Variants in TRIO observed in about 807,000 individuals in gnomAD.
TRIO encodes triple functional domain protein.
Under a neutral mutation model 351.9 loss-of-function variants are expected in TRIO, and 58 were observed. That is an observed-to-expected ratio of 0.16 (90% confidence interval 0.13 to 0.21). The LOEUF is 0.21. Ranked by LOEUF, TRIO falls within the 10% of genes least tolerant of loss-of-function variation. TRIO has a pLI of 1.00. For missense variants in TRIO, 3,201 were observed against 4,027.8 expected (o/e 0.79, Z 5.56); for synonymous variants, 1,758 against 1,595.7 (o/e 1.10, Z -2.42).
rs769110926 is a variant in TRIO at position 14,487,723 on chromosome 5, G to A, written c.7095G>A (p.Lys2365=). The change falls in exon 48 of 57, where the codon AAG becomes AAA. Residue 2365 remains lysine, a synonymous_variant. Transcript: ENST00000344204. ...CCTCGAGCCAGGCAGAGGCAGACAA[G>A]ATGTCAGGTACGTCCACCCCCGGGC... is the stretch of plus-strand genomic sequence containing the variant. ...SAASSQAEAD[K]MSGTSTPGPS... 1 of 1,439,870 alleles carries A rather than the reference G, an allele frequency of 6.9e-7. No homozygotes were observed. Among genetic ancestry groups the A allele is most frequent in the Non-Finnish European group, 9.2e-7 (1 of 1,087,540 alleles). The allele number at this position is 1,439,870 out of a possible 1,614,324, so 89.2% of individuals were successfully genotyped here.
chr5:14,275,866 G>GTA (rs56388390), intron 2 of TRIO, among the ~76,000 whole-genome samples: 29,381 of 143,728 alleles, frequency 0.2, 3,141 homozygotes, highest in Middle Eastern at 0.26. Flanking sequence ...CTCTATGTGT[G>GTA]TATATATATA....
At chr5:14,170,487 C>A (rs1184248981) in intron 1 of TRIO, among the ~76,000 whole-genome samples, 1 of 150,050 alleles carries the variant, frequency 6.7e-6, no homozygotes, top group Admixed American at 6.7e-5. Context: ...TAAACAGTCA[C>A]TAAAAGTGAA....
At chr5:14,259,532 A>C (rs1266648528) in intron 1 of TRIO, among the ~76,000 whole-genome samples, 1 of 152,204 alleles carries the variant, frequency 6.6e-6, no homozygotes, top group Non-Finnish European at 1.5e-5. Context: ...TATCTACCAG[A>C]ATTCTTTTTC....
chr5:14,264,632 A>G (rs1207970298), intron 1 of TRIO, among the ~76,000 whole-genome samples: 1 of 152,010 alleles, frequency 6.6e-6, no homozygotes, highest in Non-Finnish European at 1.5e-5. Context: ...TAACATGTTC[A>G]TTAGGGGATC....
intron 12 of TRIO, among the ~76,000 whole-genome samples, chr5:14,358,653 A>G (rs1051277737): frequency 2.6e-5 from 4 of 152,352 alleles, no homozygotes; most frequent in East Asian, 1.9e-4. Flanking sequence ...ACACTTCTTT[A>G]TAAACCAGAT....
chr5:14,433,157 G>C (rs1751314347), intron 34 of TRIO, among the ~76,000 whole-genome samples: 2 of 152,170 alleles, frequency 1.3e-5, no homozygotes, highest in South Asian at 2.1e-4. Context: ...TGAATGTTTG[G>C]TTTGTTAAAG....
chr5:14,445,218 C>T lies in TRIO; in HGVS notation c.5204-15801C>T, dbSNP rs575451337. Reference sequence around the variant, plus strand: ...TCATCCATGGAGTCTTCCTCATTTCCTCTTCCTGTCTCCAAGGAGTGGCAG... The same window carrying T: ...TCATCCATGGAGTCTTCCTCATTTCTTCTTCCTGTCTCCAAGGAGTGGCAG... On this transcript the variant is annotated intron_variant, in intron 34 of 56. Transcript: ENST00000344204. Among the ~76,000 whole-genome samples the T allele has an allele frequency of 2.3e-3, 353 of 152,320 alleles. 2 individuals carry two copies. The highest frequency in any genetic ancestry group is 5.0e-3 in the Admixed American group (76 of 15,304).
chr5:14,393,055 A>AG (rs1025993048), intron 27 of TRIO, among the ~76,000 whole-genome samples: 3 of 140,690 alleles, frequency 2.1e-5, no homozygotes, highest in African/African-American at 9.5e-5. Context: ...TCAAAAAGAA[A>AG]GAAAAAAAAA....
chr5:14,475,841 A>G (rs1755037475), intron 40 of TRIO, among the ~76,000 whole-genome samples: 1 of 151,634 alleles, frequency 6.6e-6, no homozygotes, highest in Admixed American at 6.6e-5. Context: ...CAGCGGGGAT[A>G]GTAAACCCCT....
At chr5:14,180,812 A>G (rs1406391310) in intron 1 of TRIO, among the ~76,000 whole-genome samples, 1 of 151,954 alleles carries the variant, frequency 6.6e-6, no homozygotes, top group African/African-American at 2.4e-5. Flanking sequence ...CCTGGGTGAC[A>G]GAGTGAGTGG....
chr5:14,473,900 G>A (rs1321117955), intron 39 of TRIO, 94 bp from the exon 40 acceptor site: 2 of 1,222,246 alleles, frequency 1.6e-6, no homozygotes, highest in Middle Eastern at 2.4e-4. Context: ...CAGTGCATGT[G>A]TCCATTTTGC....
intron 9 of TRIO, among the ~76,000 whole-genome samples, chr5:14,317,932 G>A (rs9986278): frequency 1.3e-5 from 2 of 152,106 alleles, no homozygotes; most frequent in African/African-American, 4.8e-5. Context: ...TTCGAGACGA[G>A]CCTGCCCAAC....
chr5:14,509,245 T>C lies in TRIO; in HGVS notation c.*823T>C. ...TACTGTAAATGCACTCATTGGGGGT[T>C]TTTTGGTTTTACTTCATATCATGTG... is the stretch of plus-strand genomic sequence containing the variant. On this transcript the variant is annotated 3_prime_UTR_variant, in exon 57 of 57. Coordinates refer to ENST00000344204, the MANE Select transcript of TRIO (RefSeq NM_007118.4). The C allele has an allele frequency of 5.7e-6, 2 of 350,332 alleles. No individual in the cohort carries two copies. The highest frequency in any genetic ancestry group is 4.3e-5 in the South Asian group (2 of 46,538). The allele number at this position is 350,332 out of a possible 1,614,324, so 21.7% of individuals were successfully genotyped here.
chr5:14,244,047 A>G (rs1023800395), intron 1 of TRIO, among the ~76,000 whole-genome samples: 5 of 152,228 alleles, frequency 3.3e-5, no homozygotes, highest in African/African-American at 1.2e-4. Flanking sequence ...GAGGCAATTT[A>G]GCATTTTACA....
intron 34 of TRIO, among the ~76,000 whole-genome samples, chr5:14,432,672 T>C (rs1220377589): frequency 6.6e-6 from 1 of 152,250 alleles, no homozygotes; most frequent in African/African-American, 2.4e-5. Context: ...TACAGAACTT[T>C]ACTCACAATG....
intron 1 of TRIO, among the ~76,000 whole-genome samples, chr5:14,245,692 G>C (rs1367742954): frequency 6.6e-6 from 1 of 152,200 alleles, no homozygotes; most frequent in Non-Finnish European, 1.5e-5. Context: ...TGATTGTAAG[G>C]CTGTCTCCAC....
intron 37 of TRIO, among the ~76,000 whole-genome samples, chr5:14,468,709 G>A (rs1172430315): frequency 5.3e-5 from 8 of 152,204 alleles, no homozygotes; most frequent in Non-Finnish European, 1.2e-4. Context: ...TTTCTTGTGG[G>A]TGATTTCTGA....
chr5:14,471,292 T>C (rs749580787), intron 37 of TRIO, 26 bp from the exon 38 acceptor site: 5 of 1,611,894 alleles, frequency 3.1e-6, no homozygotes, highest in Non-Finnish European at 4.2e-6. Flanking sequence ...GCAGTAAGTG[T>C]TGTTGATTAT....
At chr5:14,303,252 G>A (rs1416216832) in intron 7 of TRIO, among the ~76,000 whole-genome samples, 2 of 138,870 alleles carry the variant, frequency 1.4e-5, no homozygotes, top group Non-Finnish European at 3.1e-5. Flanking sequence ...GATGGCTGCC[G>A]CAGGACCGTT....
Sources: allele counts gnomAD v4.1 joint callset (sites outside exome capture counted in the v4.1 genomes callset), GRCh38; gene constraint gnomAD v4.1.1; transcripts MANE v1.5; gene names NCBI Gene and HGNC (gene_info 2026-07-23, HGNC 2026-07-21).